CHST15: variants seen among roughly 807,000 people sequenced by gnomAD.
CHST15 encodes the protein carbohydrate sulfotransferase 15.
CHST15 carries 30 observed loss-of-function variants against 53.6 expected under a neutral mutation model. The ratio of observed to expected loss-of-function variants is 0.56; its 90% CI spans 0.42 to 0.76. The LOEUF is 0.76. CHST15 is among the 30% of genes least tolerant of loss of function. The probability of loss-of-function intolerance (pLI) is 0.00; values close to 1 mark genes in which losing one functional copy is unlikely to be tolerated. For synonymous variants in CHST15, 296 were observed against 289.8 expected, an observed-to-expected ratio of 1.02 and a Z score of -0.22; for missense variants, 627 against 740.5, an observed-to-expected ratio of 0.85 and a Z score of 1.78.
intron 1 of CHST15, among the ~76,000 whole-genome samples, chr10:124,084,529 C>T (rs565570621): frequency 4.6e-5 from 7 of 152,212 alleles, no homozygotes; most frequent in South Asian, 4.2e-4. Flanking sequence ...GAGAACAGGC[C>T]GAGGCCAGAC....
chr10:124,040,409 TG>T, intron 4 of CHST15, among the ~76,000 whole-genome samples: 1 of 152,194 alleles, frequency 6.6e-6, no homozygotes, highest in Non-Finnish European at 1.5e-5. Flanking sequence ...GATGGGTACC[TG>T]GGAGTAGAGG....
intron 1 of CHST15, among the ~76,000 whole-genome samples, chr10:124,072,797 G>A (rs1211205405): frequency 1.3e-5 from 2 of 152,170 alleles, no homozygotes; most frequent in Non-Finnish European, 2.9e-5. Flanking sequence ...ACGTGACCAC[G>A]TGGGCAGAAC....
Position 124,019,685 on chromosome 10 carries a change from C to T in CHST15, c.1347+1571G>A. On this transcript the variant is annotated intron_variant, in intron 6 of 7. Transcript: ENST00000435907. The surrounding 1 kb of genome is among the most constrained non-coding windows in gnomAD (Gnocchi z 4.6). Reference sequence around the variant, plus strand: ...TCGCGTTAGTCTTTTATTATAGGTGCCTCAGCCATGAACACAGTAGTGAGA... The same window carrying T: ...TCGCGTTAGTCTTTTATTATAGGTGTCTCAGCCATGAACACAGTAGTGAGA... 1.4e-6 allele frequency: 1 copy of T among 714,458 alleles called. No homozygotes were observed. Among genetic ancestry groups the T allele is most frequent in the East Asian group, 1.3e-4 (1 of 7,586 alleles). The allele number at this position is 714,458 out of a possible 1,614,324, so 44.3% of individuals were successfully genotyped here.
In CHST15 at chr10:124,036,861, G is replaced by T. The variant is rs1003696414; in HGVS notation, c.1190+1654C>A. Among the ~76,000 whole-genome samples, 1 of 152,166 alleles carries T rather than the reference G, an allele frequency of 6.6e-6. No individual in the cohort carries two copies. Among genetic ancestry groups the T allele is most frequent in the Non-Finnish European group, 1.5e-5 (1 of 68,018 alleles). ...GGGCCAGGAAGGTATGCCACCTGAA[G>T]AAGGGGTCCCAGGGGTCAGTTTCCC... On this transcript the variant is annotated intron_variant, in intron 5 of 7. Coordinates refer to ENST00000435907, the MANE Select transcript of CHST15 (RefSeq NM_001270764.2). The surrounding 1 kb of genome is among the most constrained non-coding windows in gnomAD (Gnocchi z 5.1).
intron 5 of CHST15, among the ~76,000 whole-genome samples, chr10:124,030,908 G>A (rs995156666): frequency 2.0e-5 from 3 of 152,244 alleles, no homozygotes; most frequent in East Asian, 1.9e-4. Flanking sequence ...GCCCTAGGGC[G>A]GGCATCCTGC....
intron 1 of CHST15, among the ~76,000 whole-genome samples, chr10:124,056,560 C>T (rs1203235624): frequency 6.6e-6 from 1 of 152,148 alleles, no homozygotes; most frequent in African/African-American, 2.4e-5. Context: ...GAAGGAAGGA[C>T]AGAAAGAAAG....
chr10:124,035,238 T>C (rs1461496995), intron 5 of CHST15, among the ~76,000 whole-genome samples: 181 of 66,720 alleles, frequency 2.7e-3, no homozygotes, highest in East Asian at 4.3e-3. Flanking sequence ...GACCCTGGCT[T>C]CATCCCCTAA....
At chr10:124,023,405 A>G (rs1946867033) in intron 5 of CHST15, among the ~76,000 whole-genome samples, 1 of 151,382 alleles carries the variant, frequency 6.6e-6, no homozygotes, top group Non-Finnish European at 1.5e-5. Context: ...GAATGACCTG[A>G]GCCCAGGAAG....
At chr10:124,088,795 C>G (rs943907037) in intron 1 of CHST15, among the ~76,000 whole-genome samples, 2 of 152,182 alleles carry the variant, frequency 1.3e-5, no homozygotes, top group Non-Finnish European at 2.9e-5. Context: ...CCCATAGTTA[C>G]AATTTAAAAA....
Position 124,019,740 on chromosome 10 carries a change from T to TA in CHST15, c.1347+1515_1347+1516insT. ...CCTTTTCCACTCCTACACTATCTTC[T>TA]GCTTAAAACCCTCTGAGGGGTCCCA... On this transcript the variant is annotated intron_variant, in intron 6 of 7. Transcript: ENST00000435907. This position sits in a 1 kb window ranked among gnomAD's most constrained non-coding sequence, Gnocchi z 4.6. The TA allele has an allele frequency of 1.2e-5, 12 of 976,814 alleles. No homozygotes were observed. Among genetic ancestry groups the TA allele is most frequent in the Non-Finnish European group, 1.3e-5 (11 of 822,056 alleles). The allele number at this position is 976,814 out of a possible 1,614,324, so 60.5% of individuals were successfully genotyped here.
At chr10:124,021,806 A>C (rs915296098) in intron 5 of CHST15, among the ~76,000 whole-genome samples, 8 of 152,172 alleles carry the variant, frequency 5.3e-5, no homozygotes, top group African/African-American at 1.9e-4. Flanking sequence ...TCTCTCCTCT[A>C]CTGAAGGGAA....
At position 124,010,130 on chromosome 10, in the gene CHST15, T is replaced by G. The variant is rs1946370175; in HGVS notation, c.*19A>C. 2 of 1,611,862 alleles carry G rather than the reference T, an allele frequency of 1.2e-6. No homozygotes were observed. Among genetic ancestry groups the G allele is most frequent in the East Asian group, 4.5e-5 (2 of 44,878 alleles). Reference sequence around the variant, plus strand: ...TGACGGCATTGGCGGGCCCAGCACGTGCAGCAACAATTCAGCTCTCACGTC... The same window carrying G: ...TGACGGCATTGGCGGGCCCAGCACGGGCAGCAACAATTCAGCTCTCACGTC... On this transcript the variant is annotated 3_prime_UTR_variant, in exon 8 of 8. Coordinates refer to ENST00000435907, the MANE Select transcript of CHST15 (RefSeq NM_001270764.2).
intron 5 of CHST15, among the ~76,000 whole-genome samples, chr10:124,021,801 C>G (rs988623563): frequency 2.0e-5 from 3 of 152,212 alleles, no homozygotes; most frequent in African/African-American, 7.2e-5. Context: ...ATTCCTCTCT[C>G]CTCTACTGAA....
intron 6 of CHST15, 61 bp from the exon 7 acceptor site, chr10:124,012,541 T>G: frequency 6.5e-7 from 1 of 1,542,672 alleles, no homozygotes; most frequent in Non-Finnish European, 8.8e-7. Context: ...ATAGGGCACT[T>G]TTCCAAAGTG....
chr10:124,009,733 T>C lies in CHST15; in HGVS notation c.*416A>G. 5 of 1,029,752 alleles carry C rather than the reference T, an allele frequency of 4.9e-6. No individual in the cohort carries two copies. The highest frequency in any genetic ancestry group is 5.8e-6 in the Non-Finnish European group (5 of 856,320). 63.8% of individuals were successfully genotyped at this position (1,029,752 alleles called of 1,614,324 possible). On this transcript the variant is annotated 3_prime_UTR_variant, in exon 8 of 8. Coordinates refer to ENST00000435907, the MANE Select transcript of CHST15 (RefSeq NM_001270764.2). ...AGGGGGAAAAAAAGGGAACGTGAAGTGTAAGTTCCAGCCAGGCCTGTGGCA... is the reference window on the plus strand; with the variant it reads ...AGGGGGAAAAAAAGGGAACGTGAAGCGTAAGTTCCAGCCAGGCCTGTGGCA...
chr10:124,093,208 T>G (rs1949659460), intron 1 of CHST15, among the ~76,000 whole-genome samples: 1 of 151,946 alleles, frequency 6.6e-6, no homozygotes, highest in African/African-American at 2.4e-5. Flanking sequence ...CAAACCTGCC[T>G]CGGCTCGTCG....
intron 5 of CHST15, among the ~76,000 whole-genome samples, chr10:124,031,905 C>T (rs554523709): frequency 6.6e-6 from 1 of 152,256 alleles, no homozygotes; most frequent in Non-Finnish European, 1.5e-5. Flanking sequence ...GTGTTCCTGC[C>T]ACCATGACCC....
chr10:124,021,557 G>A, intron 5 of CHST15, 145 bp from the exon 6 acceptor site: 1 of 1,407,764 alleles, frequency 7.1e-7, no homozygotes, highest in Non-Finnish European at 9.4e-7. Context: ...TTGCAGATGA[G>A]CCACCTCCCT....
chr10:124,052,399 A>ACT (rs754143411), intron 1 of CHST15, among the ~76,000 whole-genome samples: 9 of 152,024 alleles, frequency 5.9e-5, no homozygotes, highest in Non-Finnish European at 1.2e-4. Context: ...AAGCCACACC[A>ACT]CTCCGTCAAC....
Sources: allele counts gnomAD v4.1 joint callset (sites outside exome capture counted in the v4.1 genomes callset), GRCh38; gene constraint gnomAD v4.1.1; non-coding constraint Gnocchi (gnomAD v3.1); transcripts MANE v1.5; gene names NCBI Gene and HGNC (gene_info 2026-07-23, HGNC 2026-07-21).